The following SSBP2 variants were observed in gnomAD, a reference collection of about 807,000 sequenced individuals.
SSBP2 encodes the protein single stranded DNA binding protein 2, also known as single-stranded DNA-binding protein 2.
In SSBP2, 17 loss-of-function variants were observed where a neutral mutation model predicts 61.8. The ratio of observed to expected loss-of-function variants is 0.28; its 90% CI spans 0.19 to 0.41. SSBP2 has a LOEUF of 0.41. Ranked by LOEUF, SSBP2 falls within the 10% of genes least tolerant of loss-of-function variation. The pLI is 1.00. For missense variants in SSBP2, 310 were observed against 458.7 expected (o/e 0.68, Z 2.96); for synonymous variants, 139 against 141.3 (o/e 0.98, Z 0.12).
chr5:81,645,146 T>C (rs1016516695), intron 2 of SSBP2, among the ~76,000 whole-genome samples: 6 of 152,144 alleles, frequency 3.9e-5, no homozygotes, highest in Non-Finnish European at 7.4e-5. Context: ...ATCTTATAAC[T>C]AGGAAACTGA....
At chr5:81,592,357 T>G (rs1390580539) in intron 4 of SSBP2, among the ~76,000 whole-genome samples, 2 of 152,324 alleles carry the variant, frequency 1.3e-5, no homozygotes, top group East Asian at 1.9e-4. Context: ...TCAAACTGGG[T>G]GGAGCCCACC....
chr5:81,731,022 A>C (rs753660177), intron 1 of SSBP2, among the ~76,000 whole-genome samples: 4 of 152,252 alleles, frequency 2.6e-5, no homozygotes, highest in Non-Finnish European at 4.4e-5. Context: ...ACAGATCTCC[A>C]GAACTTTTCC....
At chr5:81,668,688 TTACTAA>T (rs1256793553) in intron 1 of SSBP2, among the ~76,000 whole-genome samples, 1 of 152,112 alleles carries the variant, frequency 6.6e-6, no homozygotes, top group East Asian at 1.9e-4. Context: ...AGCATAAAGT[TTACTAA>T]AATCAGTCAA....
At chr5:81,733,569 T>C (rs527274058) in intron 1 of SSBP2, among the ~76,000 whole-genome samples, 4 of 152,350 alleles carry the variant, frequency 2.6e-5, no homozygotes, top group African/African-American at 7.2e-5. Flanking sequence ...ATTGGATTAC[T>C]TAAAATCAAA....
At chr5:81,478,600 G>T (rs965348395) in intron 6 of SSBP2, among the ~76,000 whole-genome samples, 6 of 152,144 alleles carry the variant, frequency 3.9e-5, no homozygotes, top group African/African-American at 1.4e-4. Context: ...GCCTCCCAAA[G>T]TGTTGGGATT....
At chr5:81,713,808 CAAAT>C (rs1754973175) in intron 1 of SSBP2, among the ~76,000 whole-genome samples, 1 of 152,026 alleles carries the variant, frequency 6.6e-6, no homozygotes, top group African/African-American at 2.4e-5. Context: ...TTGGAAGAAA[CAAAT>C]AATAGGTAAA....
intron 10 of SSBP2, among the ~76,000 whole-genome samples, chr5:81,449,032 A>C (rs1763592632): frequency 6.6e-6 from 1 of 152,226 alleles, no homozygotes; most frequent in African/African-American, 2.4e-5. Flanking sequence ...ATTTTAGTCA[A>C]GAGGATTTTA....
At chr5:81,661,548 G>A (rs553696627) in intron 1 of SSBP2, among the ~76,000 whole-genome samples, 85 of 151,688 alleles carry the variant, frequency 5.6e-4, no homozygotes, top group Non-Finnish European at 9.7e-4. Flanking sequence ...ATTCTAACAG[G>A]TGTCAAGTGA....
chr5:81,436,910 A>G (rs968086714), intron 15 of SSBP2, among the ~76,000 whole-genome samples: 1 of 152,164 alleles, frequency 6.6e-6, no homozygotes, highest in Non-Finnish European at 1.5e-5. Flanking sequence ...GCTTGTACGA[A>G]TATAATTTTC....
intron 4 of SSBP2, among the ~76,000 whole-genome samples, chr5:81,557,885 G>C (rs1326615951): frequency 6.6e-6 from 1 of 152,108 alleles, no homozygotes; most frequent in Non-Finnish European, 1.5e-5. Flanking sequence ...GGTAATGTCT[G>C]ATTGAAATCC....
intron 4 of SSBP2, among the ~76,000 whole-genome samples, chr5:81,587,294 T>C (rs531145251): frequency 6.6e-6 from 1 of 152,344 alleles, no homozygotes; most frequent in African/African-American, 2.4e-5. Context: ...GAGTGTACAT[T>C]AAATTTTCTC....
At chr5:81,456,579 A>C (rs1764164938) in intron 10 of SSBP2, among the ~76,000 whole-genome samples, 1 of 151,958 alleles carries the variant, frequency 6.6e-6, no homozygotes, top group Admixed American at 6.6e-5. Flanking sequence ...TACAAAGATC[A>C]GAATCCTTCG....
chr5:81,474,538 G>A lies in SSBP2; in HGVS notation c.457C>T (p.Gln153Ter). 1 of 1,611,382 alleles carries A rather than the reference G, an allele frequency of 6.2e-7. No individual in the cohort carries two copies. The highest frequency in any genetic ancestry group is 8.5e-7 in the Non-Finnish European group (1 of 1,178,404). Residue 153 changes from glutamine to a stop codon, truncating the protein, a stop_gained, in exon 7 of 17, where the codon CAG becomes TAG. Transcript: ENST00000320672. LOFTEE classifies it high-confidence loss of function. ...TCCATTCCACTGGGGAGTAATGGCT[G>A]ACTTCCTGGGACACCTCCAAGTGCC...
rs1455972017 is a variant in SSBP2, at chr5:81,575,700, CTT to C, written c.282+39771_282+39772del. ...TAATTACATTAAGTAAAAATGAACACTTTGTTAAAAATAAAAGATTATCAGAC... is the reference window on the plus strand; with the variant it reads ...TAATTACATTAAGTAAAAATGAACACTGTTAAAAATAAAAGATTATCAGAC... On this transcript the variant is annotated intron_variant, in intron 4 of 16. Transcript: ENST00000320672. Among the ~76,000 whole-genome samples, 3 of 152,022 alleles carry C rather than the reference CTT, an allele frequency of 2.0e-5. No individual in the cohort carries two copies. The South Asian group carries it at 6.2e-4, about 31-fold the overall frequency.
At chr5:81,737,795 A>C (rs1756723883) in intron 1 of SSBP2, among the ~76,000 whole-genome samples, 1 of 151,358 alleles carries the variant, frequency 6.6e-6, no homozygotes, top group Non-Finnish European at 1.5e-5. Flanking sequence ...CTCAAAAAAA[A>C]AAAAAAAACA....
intron 8 of SSBP2, among the ~76,000 whole-genome samples, chr5:81,471,765 C>T (rs544227920): frequency 2.0e-5 from 3 of 151,830 alleles, no homozygotes; most frequent in Admixed American, 1.3e-4. Flanking sequence ...GGCTTTGAGG[C>T]TGCCACATAT....
intron 6 of SSBP2, among the ~76,000 whole-genome samples, chr5:81,481,868 T>C (rs750407604): frequency 1.3e-5 from 2 of 151,980 alleles, no homozygotes; most frequent in Non-Finnish European, 2.9e-5. Flanking sequence ...AGTCAGTAAA[T>C]CATGCTGTAA....
At chr5:81,686,578 C>T (rs766510513) in intron 1 of SSBP2, among the ~76,000 whole-genome samples, 9 of 151,724 alleles carry the variant, frequency 5.9e-5, no homozygotes, top group East Asian at 1.9e-4. Context: ...AAAATGGGGC[C>T]GGGCACGGTA....
At chr5:81,698,211 A>AT (rs1022819167) in intron 1 of SSBP2, among the ~76,000 whole-genome samples, 3 of 152,198 alleles carry the variant, frequency 2.0e-5, no homozygotes, top group Non-Finnish European at 4.4e-5. Context: ...TAATTTTAAG[A>AT]TTTTTTTGGC....
Sources: gnomAD v4.1 joint callset for allele counts (sites outside exome capture counted in the v4.1 genomes callset) on GRCh38, gnomAD v4.1.1 for gene constraint, MANE v1.5 for transcripts, NCBI Gene and HGNC (gene_info 2026-07-23, HGNC 2026-07-21) for gene names.